Variants in EIF4A1 observed in about 807,000 individuals in gnomAD.
EIF4A1 encodes eukaryotic initiation factor 4A-I.
In EIF4A1, 11 loss-of-function variants were observed where a neutral mutation model predicts 53.5. The ratio of observed to expected loss-of-function variants is 0.21; its 90% confidence interval spans 0.13 to 0.34. EIF4A1 has a LOEUF of 0.34. EIF4A1 is among the 10% of genes least tolerant of loss of function. The pLI is 1.00. For synonymous variants in EIF4A1, 237 were observed against 186.7 expected, an observed-to-expected ratio of 1.27 and a Z score of -2.20; for missense variants, 213 against 530.8, an observed-to-expected ratio of 0.40 and a Z score of 5.88.
At position 7,574,592 on chromosome 17, in the gene EIF4A1, C is replaced by G; in HGVS notation, c.119C>G (p.Ser40Trp). Residue 40 changes from serine to tryptophan, a missense_variant, in exon 3 of 11, where the codon TCG becomes TGG. Ser to Trp is a radical substitution (Grantham distance 177, BLOSUM62 -3). Coordinates refer to ENST00000293831, the MANE Select transcript of EIF4A1 (RefSeq NM_001416.4). ...GACAGCTTTGATGACATGAACCTCT[C>G]GGAGTCCCTTCTCCGTGGCATCTAC... ...IVDSFDDMNL[S>W]ESLLRGIYAY... 1 of 1,612,282 alleles carries G rather than the reference C, an allele frequency of 6.2e-7. No homozygotes were observed. The highest frequency in any genetic ancestry group is 8.5e-7 in the Non-Finnish European group (1 of 1,180,016).
intron 3 of EIF4A1, 68 bp from the exon 4 acceptor site, chr17:7,575,051 A>AT: frequency 6.3e-7 from 1 of 1,591,706 alleles, no homozygotes; most frequent in East Asian, 2.2e-5. Flanking sequence ...TGACCTCATT[A>AT]ACCTAGGACT....
At chr17:7,575,335 C>T in intron 4 of EIF4A1, 77 bp downstream of exon 4, 3 of 1,596,656 alleles carry the variant, frequency 1.9e-6, no homozygotes, top group East Asian at 2.2e-5. Context: ...GAGAAGTCTT[C>T]TCTGATCACC....
chr17:7,576,954 G>A, intron 5 of EIF4A1, 102 bp from the exon 6 acceptor site: 3 of 1,428,456 alleles, frequency 2.1e-6, no homozygotes, highest in Non-Finnish European at 3.0e-6. Flanking sequence ...TCTGAGAGCA[G>A]ACTACTTGGC....
intron 3 of EIF4A1, 142 bp downstream of exon 3, chr17:7,574,820 A>ATGCC (rs1310264992): frequency 1.4e-6 from 2 of 1,399,132 alleles, no homozygotes; most frequent in East Asian, 4.6e-5. Context: ...ATCCGTGCCC[A>ATGCC]TGCCTGGTTC....
chr17:7,572,942 G>C, intron 1 of EIF4A1, 78 bp downstream of exon 1: 2 of 1,613,422 alleles, frequency 1.2e-6, no homozygotes, highest in Non-Finnish European at 1.7e-6. Context: ...GGGTAGCTGA[G>C]AGGCCCACCA....
intron 3 of EIF4A1, 119 bp downstream of exon 3, chr17:7,574,797 A>C (rs1205094045): frequency 1.3e-6 from 2 of 1,549,838 alleles, no homozygotes; most frequent in South Asian, 2.2e-5. Context: ...TGTTCATCCC[A>C]GCTTGGCTTT....
At chr17:7,572,905 G>C in intron 1 of EIF4A1, 41 bp downstream of exon 1, 1 of 1,614,130 alleles carries the variant, frequency 6.2e-7, no homozygotes, top group Non-Finnish European at 8.5e-7. Context: ...TGCTTATTTT[G>C]CCGCCCCCTT....
Position 7,577,230 on chromosome 17 carries a change from A to T in EIF4A1, c.624+65A>T. 1.9e-6 allele frequency: 3 copies of T among 1,568,086 alleles called. No homozygotes were observed. In the South Asian group the frequency reaches 3.6e-5, roughly 19 times the overall value. ...AAATAGTAAGTGCCAGGGGAACCAT[A>T]TACTGGATTCTTGAGCCTTTTTATG... is the stretch of plus-strand genomic sequence containing the variant. On this transcript the variant is annotated intron_variant, in intron 6 of 10. Coordinates refer to ENST00000293831, the MANE Select transcript of EIF4A1 (RefSeq NM_001416.4). This position sits in a 1 kb window ranked among gnomAD's most constrained non-coding sequence, Gnocchi z 4.7.
intron 1 of EIF4A1, 130 bp from the exon 2 acceptor site, chr17:7,574,130 G>A: frequency 9.8e-7 from 1 of 1,017,696 alleles, no homozygotes. Flanking sequence ...TTTTTTGGGA[G>A]CTGGTGGGAG....
At chr17:7,576,873 G>A (rs1458368131) in intron 5 of EIF4A1, 181 bp downstream of exon 5, 1 of 1,354,908 alleles carries the variant, frequency 7.4e-7, no homozygotes, top group Non-Finnish European at 1.1e-6. Context: ...TGCAGCCCTG[G>A]CAGTGTCCTA....
chr17:7,576,619 G>A lies in EIF4A1; in HGVS notation c.441G>A (p.Leu147=), dbSNP rs771411808. The change falls in exon 5 of 11, where the codon CTG becomes CTA. Residue 147 remains leucine, a synonymous_variant. Coordinates refer to ENST00000293831, the MANE Select transcript of EIF4A1 (RefSeq NM_001416.4). ...GTNVRAEVQK[L]QMEAPHIIVG... ...ACGTGCGTGCTGAGGTGCAGAAACT[G>A]CAGATGGAAGCTCCCCACATCATCG... The A allele has an allele frequency of 5.0e-6, 8 of 1,613,984 alleles. No individual in the cohort carries two copies. The highest frequency in any genetic ancestry group is 1.7e-5 in the Admixed American group (1 of 59,968).
chr17:7,575,629 C>T, intron 4 of EIF4A1: 2 of 366,266 alleles, frequency 5.5e-6, no homozygotes, highest in Admixed American at 3.7e-5. Context: ...CTGTTTCATG[C>T]CTGGGGCACA....
chr17:7,577,038 T>C lies in EIF4A1; in HGVS notation c.515-18T>C, dbSNP rs1424094062. 6.2e-7 allele frequency: 1 copy of C among 1,606,510 alleles called. No individual in the cohort carries two copies. Among genetic ancestry groups the C allele is most frequent in the Non-Finnish European group, 8.5e-7 (1 of 1,174,734 alleles). The stretch of plus-strand genomic sequence containing the variant: ...CCCTAATCATATGCTATATATTGGC[T>C]TTTTTTTTCTTCTCTAGCCCCCAAA... On this transcript the variant is annotated intron_variant, in intron 5 of 10. Transcript: ENST00000293831. The surrounding 1 kb of genome is among the most constrained non-coding windows in gnomAD (Gnocchi z 4.7).
rs926382979 is a variant in EIF4A1 at position 7,576,757 on chromosome 17, A to G, written c.514+65A>G. 2.6e-6 allele frequency: 4 copies of G among 1,560,394 alleles called. No homozygotes were observed. In the African/African-American group the frequency reaches 4.1e-5, roughly 16 times the overall value. ...TCTTGTGCACGCTTTCCAGTCTTTC[A>G]GCGTAAGCCAGAGTCATTCCCAAGG... On this transcript the variant is annotated intron_variant, in intron 5 of 10. Transcript: ENST00000293831.
chr17:7,572,907 C>T (rs750972046), intron 1 of EIF4A1, 43 bp downstream of exon 1: 2 of 1,614,118 alleles, frequency 1.2e-6, no homozygotes, highest in East Asian at 2.2e-5. Context: ...CTTATTTTGC[C>T]GCCCCCTTCC....
chr17:7,578,107 C>A (rs200067943), intron 9 of EIF4A1, 58 bp from the exon 10 acceptor site: 1 of 1,611,652 alleles, frequency 6.2e-7, no homozygotes, highest in African/African-American at 1.3e-5. Context: ...TAAGTGTCTT[C>A]CCTCCGGGAT....
At chr17:7,575,316 C>T (rs575202712) in intron 4 of EIF4A1, 58 bp downstream of exon 4, 3 of 1,609,508 alleles carry the variant, frequency 1.9e-6, no homozygotes, top group East Asian at 2.2e-5. Flanking sequence ...GAGTATAATC[C>T]AAGGACCAGA....
chr17:7,573,981 T>C lies in EIF4A1; in HGVS notation c.24-279T>C. 1.0e-5 allele frequency: 5 copies of C among 490,290 alleles called. No homozygotes were observed. The South Asian group carries it at 1.2e-4, about 12-fold the overall frequency. 30.4% of individuals were successfully genotyped at this position (490,290 alleles called of 1,614,324 possible). A position where few individuals can be genotyped will look rare whatever the true frequency, so the allele number is the denominator to read the frequency against. On this transcript the variant is annotated intron_variant, in intron 1 of 10. Coordinates refer to ENST00000293831, the MANE Select transcript of EIF4A1 (RefSeq NM_001416.4). ...TGGACCCGGCGGCAAGCACCACCTC[T>C]GGGCACCGTGAGCGCGGCGGCACGC... is the stretch of plus-strand genomic sequence containing the variant.
At chr17:7,574,766 G>GC (rs2071377860) in intron 3 of EIF4A1, 88 bp downstream of exon 3, 2 of 1,595,398 alleles carry the variant, frequency 1.3e-6, no homozygotes, top group Admixed American at 1.7e-5. Context: ...TCTCATATCA[G>GC]CCAGGGACAA....
Sources: allele counts gnomAD v4.1 joint callset, GRCh38; gene constraint gnomAD v4.1.1; non-coding constraint Gnocchi (gnomAD v3.1); transcripts MANE v1.5; gene names NCBI Gene and HGNC (gene_info 2026-07-23, HGNC 2026-07-21).